The following PARD3B variants were observed in gnomAD, a reference collection of about 807,000 sequenced individuals.
PARD3B encodes the protein par-3 family cell polarity regulator beta.
A neutral mutation model predicts 130.2 loss-of-function variants in PARD3B; 103 were observed. That is an observed-to-expected ratio of 0.79 (90% CI 0.67 to 0.93). The LOEUF (loss-of-function observed/expected upper bound fraction) is 0.93. Ranked by LOEUF, PARD3B falls within the 40% of genes least tolerant of loss-of-function variation. The probability of loss-of-function intolerance (pLI) is 0.00; values close to 1 mark genes in which losing one functional copy is unlikely to be tolerated. For synonymous variants in PARD3B, 583 were observed against 553.2 expected (o/e 1.05, Z -0.76); for missense variants, 1,609 against 1,499.2 (o/e 1.07, Z -1.21).
intron 3 of PARD3B, among the ~76,000 whole-genome samples, chr2:205,035,111 C>A (rs61443492): frequency 0.017 from 2,541 of 152,152 alleles, 68 homozygotes; most frequent in African/African-American, 0.057. Flanking sequence ...GATCCCCCCC[C>A]CTCAGCCTCC....
chr2:204,605,166 G>A (rs962109646), intron 1 of PARD3B, among the ~76,000 whole-genome samples: 4 of 152,086 alleles, frequency 2.6e-5, no homozygotes, highest in African/African-American at 9.7e-5. Flanking sequence ...CCAGTCCATC[G>A]TTTCTGCCAC....
chr2:204,803,265 G>A (rs905271447), intron 2 of PARD3B, among the ~76,000 whole-genome samples: 3 of 150,798 alleles, frequency 2.0e-5, no homozygotes, highest in Middle Eastern at 3.5e-3. Flanking sequence ...ACACCAGACC[G>A]GTTCTATAAG....
intron 3 of PARD3B, among the ~76,000 whole-genome samples, chr2:205,001,405 G>T (rs968214650): frequency 6.6e-6 from 1 of 152,122 alleles, no homozygotes; most frequent in Non-Finnish European, 1.5e-5. Flanking sequence ...GTTGGAATAG[G>T]CTGAACCCCT....
At chr2:205,174,184 A>G (rs531106443) in intron 12 of PARD3B, among the ~76,000 whole-genome samples, 93 of 152,096 alleles carry the variant, frequency 6.1e-4, no homozygotes, top group African/African-American at 2.2e-3. Flanking sequence ...TAATTCTCAC[A>G]CTCTGGGTAG....
At chr2:204,599,504 T>G (rs2033423997) in intron 1 of PARD3B, among the ~76,000 whole-genome samples, 1 of 151,928 alleles carries the variant, frequency 6.6e-6, no homozygotes, top group Admixed American at 6.6e-5. Flanking sequence ...CTCTTTTGCC[T>G]AGAATGACAG....
intron 2 of PARD3B, among the ~76,000 whole-genome samples, chr2:204,755,548 C>T (rs531760629): frequency 1.3e-5 from 2 of 152,206 alleles, no homozygotes; most frequent in Admixed American, 1.3e-4. Flanking sequence ...TTCAATGACA[C>T]ATCACACATT....
At position 205,104,731 on chromosome 2, in the gene PARD3B, A is replaced by G. The variant is rs189262861; in HGVS notation, c.593+217A>G. 1.8e-3 allele frequency among the ~76,000 whole-genome samples: 280 copies of G among 152,304 alleles called. 1 individual carries two copies. Among genetic ancestry groups the G allele is most frequent in the African/African-American group, 6.2e-3 (257 of 41,566 alleles). On this transcript the variant is annotated intron_variant, in intron 5 of 22. Transcript: ENST00000406610. Reference sequence around the variant, plus strand: ...CATATATACAAATGATCCTTAATCCATCCAATACTCTTCTGTACCCAGGAT... The same window carrying G: ...CATATATACAAATGATCCTTAATCCGTCCAATACTCTTCTGTACCCAGGAT...
chr2:204,783,326 G>A (rs909183333), intron 2 of PARD3B, among the ~76,000 whole-genome samples: 6 of 152,122 alleles, frequency 3.9e-5, no homozygotes, highest in African/African-American at 1.4e-4. Context: ...TCATCTTGCT[G>A]TGTCCTTATG....
chr2:204,814,211 T>C (rs2043062908), intron 2 of PARD3B, among the ~76,000 whole-genome samples: 1 of 151,982 alleles, frequency 6.6e-6, no homozygotes. Flanking sequence ...TCATAATTTT[T>C]AATTCTATTG....
rs1383530784 is a variant in PARD3B, at chr2:205,425,068, TGTTA to T, written c.2742-15298_2742-15295del. Reference sequence around the variant, plus strand: ...CAGATTCTTACAGCTCTTTCTTCAGTGTTAGTTTGGCCAGCAGCCTAGGGAACAT... The same window carrying T: ...CAGATTCTTACAGCTCTTTCTTCAGTGTTTGGCCAGCAGCCTAGGGAACAT... On this transcript the variant is annotated intron_variant, in intron 19 of 22. Coordinates refer to ENST00000406610, the MANE Select transcript of PARD3B (RefSeq NM_001302769.2). Among the ~76,000 whole-genome samples, 4 of 152,260 alleles carry T rather than the reference TGTTA, an allele frequency of 2.6e-5. No homozygotes were observed. In the East Asian group the frequency reaches 7.7e-4, roughly 29 times the overall value.
intron 14 of PARD3B, among the ~76,000 whole-genome samples, chr2:205,191,347 A>T (rs1415253072): frequency 6.6e-6 from 1 of 152,184 alleles, no homozygotes; most frequent in East Asian, 1.9e-4. Flanking sequence ...TATCCATTTT[A>T]TGGATGAGGA....
chr2:204,844,468 GTTTATA>G (rs1332738000), intron 2 of PARD3B, among the ~76,000 whole-genome samples: 2 of 152,072 alleles, frequency 1.3e-5, no homozygotes, highest in Non-Finnish European at 2.9e-5. Context: ...ATAAAGGAAT[GTTTATA>G]TTTATGGAAA....
intron 15 of PARD3B, among the ~76,000 whole-genome samples, chr2:205,228,596 G>A (rs546607285): frequency 2.6e-5 from 4 of 152,058 alleles, no homozygotes; most frequent in Non-Finnish European, 5.9e-5. Flanking sequence ...CTTATTTGGG[G>A]TAAATTTGCT....
intron 1 of PARD3B, among the ~76,000 whole-genome samples, chr2:204,602,229 T>A (rs181867003): frequency 2.0e-5 from 3 of 152,176 alleles, no homozygotes; most frequent in Non-Finnish European, 4.4e-5. Flanking sequence ...ACTTTGTTGA[T>A]CTGCTCAACA....
chr2:205,093,030 T>C (rs1291458843), intron 4 of PARD3B, among the ~76,000 whole-genome samples: 2 of 152,160 alleles, frequency 1.3e-5, no homozygotes, highest in East Asian at 1.9e-4. Context: ...TAGCTTTCAA[T>C]TGCACTTTAA....
chr2:204,878,042 T>A (rs1206164584), intron 2 of PARD3B, among the ~76,000 whole-genome samples: 2 of 152,198 alleles, frequency 1.3e-5, no homozygotes, highest in Non-Finnish European at 1.5e-5. Context: ...TCATAGTTTT[T>A]AAAATAAAAA....
In PARD3B at chr2:204,943,581, C is replaced by G. The variant is rs1181456093; in HGVS notation, c.223-21571C>G. Reference sequence around the variant, plus strand: ...GGTAAATGGCTTGTGCCATGAGAAACCAAACTGTGATTACTAGGGAAGATT... The same window carrying G: ...GGTAAATGGCTTGTGCCATGAGAAAGCAAACTGTGATTACTAGGGAAGATT... On this transcript the variant is annotated intron_variant, in intron 2 of 22. Transcript: ENST00000406610. The surrounding 1 kb of genome is among the most constrained non-coding windows in gnomAD (Gnocchi z 4.2). Among the ~76,000 whole-genome samples, 1 of 152,168 alleles carries G rather than the reference C, an allele frequency of 6.6e-6. No homozygotes were observed. The highest frequency in any genetic ancestry group is 1.9e-4 in the East Asian group (1 of 5,192).
chr2:204,712,020 AC>A (rs149136455), intron 2 of PARD3B, among the ~76,000 whole-genome samples: 2,967 of 152,232 alleles, frequency 0.019, 43 homozygotes, highest in Middle Eastern at 0.071. Flanking sequence ...AAATCTCTAA[AC>A]TTTTGTTTGG....
At chr2:205,038,920 G>A (rs1009827595) in intron 3 of PARD3B, among the ~76,000 whole-genome samples, 3 of 152,100 alleles carry the variant, frequency 2.0e-5, no homozygotes, top group Admixed American at 2.0e-4. Context: ...AGTTTCCTTA[G>A]TGTGGTTTTC....
Sources: gnomAD v4.1 joint callset for allele counts (sites outside exome capture counted in the v4.1 genomes callset) on GRCh38, gnomAD v4.1.1 for gene constraint, Gnocchi (gnomAD v3.1) non-coding constraint, MANE v1.5 for transcripts, NCBI Gene and HGNC (gene_info 2026-07-23, HGNC 2026-07-21) for gene names.